Variants in RPS6KA6 observed in about 807,000 individuals in gnomAD.
RPS6KA6 encodes the protein ribosomal protein S6 kinase A6, also known as ribosomal protein S6 kinase alpha-6.
A neutral mutation model predicts 65.4 loss-of-function variants in RPS6KA6; 27 were observed. That is an observed-to-expected ratio of 0.41 (90% confidence interval 0.30 to 0.57). The LOEUF is 0.57. Among genes scored for constraint, RPS6KA6 ranks in the 20% least tolerant of loss-of-function variants. RPS6KA6 has a pLI of 0.24. For missense variants in RPS6KA6, 486 were observed against 555.6 expected (o/e 0.87, Z 1.26); for synonymous variants, 190 against 184.2 (o/e 1.03, Z -0.26).
intron 1 of RPS6KA6, among the ~76,000 whole-genome samples, chrX:84,187,151 G>A (rs1261154381): frequency 9.0e-6 from 1 of 111,691 alleles, no homozygotes; most frequent in Non-Finnish European, 1.9e-5. Flanking sequence ...GTTGTGGAAA[G>A]GAGAAGGGGT....
intron 1 of RPS6KA6, among the ~76,000 whole-genome samples, chrX:84,167,411 G>A (rs984596231): frequency 2.2e-4 from 25 of 111,909 alleles, no homozygotes; most frequent in African/African-American, 7.5e-4. Flanking sequence ...TCTTAAAAGC[G>A]TTTCTGCTAA....
chrX:84,087,645 C>A (rs190092027), intron 20 of RPS6KA6, among the ~76,000 whole-genome samples: 332 of 111,032 alleles, frequency 3.0e-3, no homozygotes, highest in Non-Finnish European at 5.0e-3. Context: ...TGTGGTTGAT[C>A]TTCTGGTGGA....
intron 20 of RPS6KA6, among the ~76,000 whole-genome samples, chrX:84,071,688 C>G (rs747936712): frequency 9.0e-6 from 1 of 110,866 alleles, no homozygotes; most frequent in East Asian, 2.9e-4. Flanking sequence ...ACACAATTGA[C>G]AAACCTTTAA....
At chrX:84,174,739 CTG>C (rs1457875247) in intron 1 of RPS6KA6, among the ~76,000 whole-genome samples, 1 of 111,615 alleles carries the variant, frequency 9.0e-6, no homozygotes, top group Non-Finnish European at 1.9e-5. Context: ...TCAGTAAACA[CTG>C]TGTTACTTGT....
At chrX:84,108,701 C>A (rs1311734796) in intron 12 of RPS6KA6, among the ~76,000 whole-genome samples, 1 of 111,627 alleles carries the variant, frequency 9.0e-6, no homozygotes, top group Non-Finnish European at 1.9e-5. Context: ...GGAATCTGTG[C>A]AGAGGTACTG....
chrX:84,166,716 G>C (rs2035601711), intron 1 of RPS6KA6, among the ~76,000 whole-genome samples: 1 of 111,306 alleles, frequency 9.0e-6, no homozygotes, highest in African/African-American at 3.3e-5. Flanking sequence ...TGAAAACAGG[G>C]AAATGTATAG....
rs2033297078 is a variant in RPS6KA6, at chrX:84,061,220, T to C, written c.*3057A>G. 1 of 112,409 alleles carries C rather than the reference T, an allele frequency of 8.9e-6. No homozygotes were observed. The allele number at this position is 112,409 out of a possible 1,213,427, so 9.3% of individuals were successfully genotyped here. ...TAAATGGTTGTTTTCCTTCTTCATA[T>C]ATGAAAGACCTCTATCTAGAAAATA... On this transcript the variant is annotated 3_prime_UTR_variant, in exon 22 of 22. Transcript: ENST00000262752.
At chrX:84,131,627 A>G (rs2034899942) in intron 8 of RPS6KA6, among the ~76,000 whole-genome samples, 2 of 111,982 alleles carry the variant, frequency 1.8e-5, no homozygotes, top group African/African-American at 6.5e-5. Context: ...GCCAATCCAC[A>G]GAGTTCCTTT....
In RPS6KA6 at chrX:84,058,515, G is replaced by C. The variant is rs777409686; in HGVS notation, c.*5762C>G. The C allele has an allele frequency of 1.9e-4, 21 of 111,816 alleles. No individual in the cohort carries two copies. Among genetic ancestry groups the C allele is most frequent in the Non-Finnish European group, 3.4e-4 (18 of 53,166 alleles). The allele number at this position is 111,816 out of a possible 1,213,427, so 9.2% of individuals were successfully genotyped here. On this transcript the variant is annotated 3_prime_UTR_variant, in exon 22 of 22. Coordinates refer to ENST00000262752, the MANE Select transcript of RPS6KA6 (RefSeq NM_014496.5). The stretch of plus-strand genomic sequence containing the variant: ...CAAAATGATAGCCATTTCTTTAGCA[G>C]CATTGTGAGAGAAAGAAACATTGTA...
intron 20 of RPS6KA6, among the ~76,000 whole-genome samples, chrX:84,073,663 T>C (rs777039338): frequency 4.5e-5 from 5 of 110,584 alleles, no homozygotes; most frequent in Admixed American, 1.9e-4. Flanking sequence ...ATATAAAACA[T>C]TCAAACAACA....
At position 84,062,220 on chromosome X, in the gene RPS6KA6, T is replaced by G. The variant is rs2033312672; in HGVS notation, c.*2057A>C. On this transcript the variant is annotated 3_prime_UTR_variant, in exon 22 of 22. Coordinates refer to ENST00000262752, the MANE Select transcript of RPS6KA6 (RefSeq NM_014496.5). ...TAATTTAAAATTAATTAAGACTGTC[T>G]ACTTTTTAAAGCCATTGATTATAGA... 8.9e-6 allele frequency: 1 copy of G among 111,846 alleles called. No individual in the cohort carries two copies. The highest frequency in any genetic ancestry group is 1.9e-5 in the Non-Finnish European group (1 of 53,075). 9.2% of individuals were successfully genotyped at this position (111,846 alleles called of 1,213,427 possible).
chrX:84,176,217 T>C (rs950385549), intron 1 of RPS6KA6, among the ~76,000 whole-genome samples: 1 of 112,375 alleles, frequency 8.9e-6, no homozygotes, highest in African/African-American at 3.2e-5. Context: ...CTAATGACTT[T>C]ATTGGTTTTG....
intron 6 of RPS6KA6, among the ~76,000 whole-genome samples, chrX:84,140,754 C>CATAAATATATATATATATATATATATAT (rs2035084323): frequency 1.8e-5 from 1 of 56,367 alleles, no homozygotes; most frequent in Non-Finnish European, 3.8e-5. Flanking sequence ...AAAAAAAAAA[C>CATAAATATATATATATATATATATATAT]ATACATATAT....
At chrX:84,151,490 C>T (rs972424673) in intron 3 of RPS6KA6, among the ~76,000 whole-genome samples, 3 of 110,370 alleles carry the variant, frequency 2.7e-5, no homozygotes, top group African/African-American at 9.9e-5. Context: ...TATGAACAGG[C>T]TCACTCCATT....
intron 1 of RPS6KA6, among the ~76,000 whole-genome samples, chrX:84,186,446 T>A (rs2035928710): frequency 8.9e-6 from 1 of 112,046 alleles, no homozygotes; most frequent in Admixed American, 9.5e-5. Context: ...AAGGAACGCC[T>A]ATTCATTTAT....
chrX:84,140,733 C>CAAAA (rs776505772), intron 6 of RPS6KA6, among the ~76,000 whole-genome samples: 7 of 41,761 alleles, frequency 1.7e-4, no homozygotes, highest in Non-Finnish European at 2.7e-4. Context: ...GACTCCATCT[C>CAAAA]AAAAAAAAAA....
intron 1 of RPS6KA6, chrX:84,186,827 C>T (rs2035933752): frequency 9.0e-6 from 1 of 111,456 alleles, no homozygotes; most frequent in Admixed American, 9.5e-5. Flanking sequence ...GTGGCCTCTA[C>T]TGGAGTAGTA....
chrX:84,068,027 T>C (rs1229002154), intron 20 of RPS6KA6, among the ~76,000 whole-genome samples: 1 of 111,624 alleles, frequency 9.0e-6, no homozygotes, highest in Non-Finnish European at 1.9e-5. Flanking sequence ...CTAAACTTCA[T>C]AAGCAAAGGA....
intron 6 of RPS6KA6, among the ~76,000 whole-genome samples, chrX:84,137,028 C>T (rs1301947037): frequency 8.9e-6 from 1 of 111,913 alleles, no homozygotes; most frequent in Non-Finnish European, 1.9e-5. Context: ...ACCAATAATG[C>T]TTTCCAACCC....
Sources: allele counts gnomAD v4.1 joint callset (sites outside exome capture counted in the v4.1 genomes callset), GRCh38; gene constraint gnomAD v4.1.1; transcripts MANE v1.5; gene names NCBI Gene and HGNC (gene_info 2026-07-23, HGNC 2026-07-21).